The following SORCS1 variants were observed in gnomAD, a reference collection of about 807,000 sequenced individuals.
SORCS1 encodes sortilin related VPS10 domain containing receptor 1, also known as VPS10 domain-containing receptor SorCS1.
Under a neutral mutation model 146.1 loss-of-function variants are expected in SORCS1, and 60 were observed. The observed-to-expected ratio is 0.41, with a 90% CI of 0.33 to 0.51. SORCS1 has a LOEUF of 0.51. Ranked by LOEUF, SORCS1 falls within the 20% of genes least tolerant of loss-of-function variation. The probability of loss-of-function intolerance (pLI) is 0.21; values close to 1 mark genes in which losing one functional copy is unlikely to be tolerated. For synonymous variants in SORCS1, 637 were observed against 584.0 expected, an observed-to-expected ratio of 1.09 and a Z score of -1.31; for missense variants, 1,352 against 1,487.6, an observed-to-expected ratio of 0.91 and a Z score of 1.50.
At chr10:107,141,929 T>A (rs1967880462) in intron 1 of SORCS1, among the ~76,000 whole-genome samples, 1 of 152,208 alleles carries the variant, frequency 6.6e-6, no homozygotes, top group Admixed American at 6.5e-5. Flanking sequence ...TAATTCCTTC[T>A]CCTAGACTTG....
Position 107,060,211 on chromosome 10 carries a change from G to A in SORCS1, c.559-103631C>T, listed in dbSNP as rs10884410. Among the ~76,000 whole-genome samples the A allele has an allele frequency of 0.54, 82,733 of 151,906 alleles. 24,017 individuals are homozygous for A. Among genetic ancestry groups the A allele is most frequent in the African/African-American group, 0.72 (29,979 of 41,426 alleles). On this transcript the variant is annotated intron_variant, in intron 1 of 25. Transcript: ENST00000263054. This position sits in a 1 kb window ranked among gnomAD's most constrained non-coding sequence, Gnocchi z 4.1. ...TAGACAGAAGGATGGAAATGACAAT[G>A]AGGATCTGAAGTTTACATGCTGTCT... is the stretch of plus-strand genomic sequence containing the variant.
At chr10:106,646,279 AG>A (rs1348548748) in intron 18 of SORCS1, among the ~76,000 whole-genome samples, 3 of 152,168 alleles carry the variant, frequency 2.0e-5, no homozygotes, top group Admixed American at 1.3e-4. Context: ...AAATAAAATT[AG>A]TATAATTATA....
At chr10:106,776,817 CAG>C in intron 3 of SORCS1, 125 bp from the exon 4 acceptor site, 1 of 920,488 alleles carries the variant, frequency 1.1e-6, no homozygotes. Flanking sequence ...CTTGGCCAAA[CAG>C]GGACCTTGAC....
At chr10:107,042,329 C>T (rs1446334943) in intron 1 of SORCS1, among the ~76,000 whole-genome samples, 1 of 152,170 alleles carries the variant, frequency 6.6e-6, no homozygotes, top group Non-Finnish European at 1.5e-5. Context: ...CAGGAAAGGG[C>T]CTGGCATTTA....
chr10:107,166,190 A>G (rs1970046602), upstream of SORCS1, among the ~76,000 whole-genome samples: 1 of 152,218 alleles, frequency 6.6e-6, no homozygotes, highest in Non-Finnish European at 1.5e-5. Context: ...TTCTAGTTAC[A>G]TTTTTGTTCA....
chr10:106,993,535 G>A (rs1324447724), intron 1 of SORCS1, among the ~76,000 whole-genome samples: 1 of 152,034 alleles, frequency 6.6e-6, no homozygotes, highest in Non-Finnish European at 1.5e-5. Context: ...GAGTATGCAG[G>A]AATTTCTTTT....
intron 2 of SORCS1, among the ~76,000 whole-genome samples, chr10:106,879,591 G>T (rs1425985166): frequency 1.3e-5 from 2 of 152,286 alleles, no homozygotes; most frequent in Admixed American, 6.5e-5. Flanking sequence ...GATTATCCTG[G>T]ATTATCCAGG....
rs1170550529 is a variant in SORCS1 at position 107,090,900 on chromosome 10, C to A, written c.558+73069G>T. Among the ~76,000 whole-genome samples, 4 of 148,964 alleles carry A rather than the reference C, an allele frequency of 2.7e-5. No individual in the cohort carries two copies. In the East Asian group the frequency reaches 5.9e-4, roughly 22 times the overall value. On this transcript the variant is annotated intron_variant, in intron 1 of 25. Coordinates refer to ENST00000263054, the MANE Select transcript of SORCS1 (RefSeq NM_052918.5). ...ATCTAGAATTGATTGTCCAATACAG[C>A]CAGGTATCTATTCTAAAGTACACAC...
At chr10:107,134,087 C>CAATA (rs1167253629) in intron 1 of SORCS1, among the ~76,000 whole-genome samples, 1 of 151,980 alleles carries the variant, frequency 6.6e-6, no homozygotes. Context: ...GTAGTGGTGA[C>CAATA]AATAAAGGAG....
intron 20 of SORCS1, among the ~76,000 whole-genome samples, chr10:106,618,935 G>A (rs1236106056): frequency 2.0e-5 from 3 of 152,114 alleles, no homozygotes; most frequent in Admixed American, 6.5e-5. Flanking sequence ...ACAATCGACT[G>A]CTAGGGTCCT....
At chr10:107,118,019 C>T (rs991438576) in intron 1 of SORCS1, among the ~76,000 whole-genome samples, 2 of 152,082 alleles carry the variant, frequency 1.3e-5, no homozygotes, top group African/African-American at 4.8e-5. Context: ...GGACAGAATG[C>T]TATAGACTGA....
chr10:107,110,738 T>C (rs1481718753), intron 1 of SORCS1, among the ~76,000 whole-genome samples: 1 of 151,878 alleles, frequency 6.6e-6, no homozygotes, highest in African/African-American at 2.4e-5. Context: ...AAGCCATGGC[T>C]GGGGTCAGGA....
At chr10:106,632,991 G>A (rs1379125173) in intron 18 of SORCS1, among the ~76,000 whole-genome samples, 1 of 152,112 alleles carries the variant, frequency 6.6e-6, no homozygotes, top group Non-Finnish European at 1.5e-5. Context: ...GTGGTAGAGG[G>A]AGATAGTACG....
At chr10:106,745,148 G>A (rs933883511) in intron 5 of SORCS1, among the ~76,000 whole-genome samples, 3 of 152,164 alleles carry the variant, frequency 2.0e-5, no homozygotes, top group African/African-American at 7.2e-5. Flanking sequence ...GCCAGGTGCG[G>A]TGGTTCACAC....
intron 1 of SORCS1, among the ~76,000 whole-genome samples, chr10:107,143,532 C>T (rs1590229540): frequency 6.6e-6 from 1 of 152,202 alleles, no homozygotes; most frequent in East Asian, 1.9e-4. Flanking sequence ...GAGATGGAAT[C>T]TCCCTCTGTC....
chr10:107,023,310 C>T (rs544749635), intron 1 of SORCS1, among the ~76,000 whole-genome samples: 4 of 152,282 alleles, frequency 2.6e-5, no homozygotes, highest in South Asian at 2.1e-4. Context: ...CAAACCGAAA[C>T]GATCAAGGGC....
chr10:106,987,972 A>C (rs1024746333), intron 1 of SORCS1, among the ~76,000 whole-genome samples: 1 of 152,226 alleles, frequency 6.6e-6, no homozygotes. Flanking sequence ...AATTGATAAA[A>C]ACAGAAATAT....
intron 5 of SORCS1, among the ~76,000 whole-genome samples, chr10:106,743,195 G>A (rs1296935908): frequency 6.6e-6 from 1 of 152,028 alleles, no homozygotes; most frequent in Non-Finnish European, 1.5e-5. Flanking sequence ...GGGAGTAAAA[G>A]AGAACATGGG....
chr10:107,047,385 T>A (rs1240345735), intron 1 of SORCS1, among the ~76,000 whole-genome samples: 1 of 152,160 alleles, frequency 6.6e-6, no homozygotes, highest in South Asian at 2.1e-4. Flanking sequence ...CCACATGACA[T>A]TATGCAACCC....
Sources: gnomAD v4.1 joint callset for allele counts (sites outside exome capture counted in the v4.1 genomes callset) on GRCh38, gnomAD v4.1.1 for gene constraint, Gnocchi (gnomAD v3.1) non-coding constraint, MANE v1.5 for transcripts, NCBI Gene and HGNC (gene_info 2026-07-23, HGNC 2026-07-21) for gene names.